CACNA1C: variants seen among roughly 807,000 people sequenced by gnomAD.
CACNA1C encodes calcium voltage-gated channel subunit alpha1 C.
In CACNA1C, 30 loss-of-function variants were observed where a neutral mutation model predicts 229.0. The ratio of observed to expected loss-of-function variants is 0.13; its 90% confidence interval spans 0.10 to 0.18. CACNA1C has a LOEUF of 0.18. Among genes scored for constraint, CACNA1C ranks in the 10% least tolerant of loss-of-function variants. The pLI, the probability that CACNA1C is intolerant of heterozygous loss-of-function variation, is 1.00. For missense variants in CACNA1C, 1,658 were observed against 2,845.0 expected (o/e 0.58, Z 9.49); for synonymous variants, 1,114 against 1,132.5 (o/e 0.98, Z 0.33).
intron 5 of CACNA1C, among the ~76,000 whole-genome samples, chr12:2,470,980 T>C (rs191946172): frequency 1.2e-3 from 181 of 152,240 alleles, no homozygotes; most frequent in South Asian, 0.011. Flanking sequence ...TATAGGCATG[T>C]GCCACCACGC....
rs1393468972 is a variant in CACNA1C, at chr12:2,300,451, T to C, written c.478-148525T>C. On this transcript the variant is annotated intron_variant, in intron 3 of 46. Coordinates refer to ENST00000399655, the MANE Select transcript of CACNA1C (RefSeq NM_000719.7). ...GCCTGGGCAACATGGTGAAATCCTG[T>C]CTCTACTAAAAATAAAAAAAAAAAA... 2.6e-5 allele frequency among the ~76,000 whole-genome samples: 4 copies of C among 151,806 alleles called. No homozygotes were observed. In the East Asian group the frequency reaches 7.8e-4, roughly 29 times the overall value.
At chr12:2,052,153 C>T (rs1037931939), upstream of CACNA1C, among the ~76,000 whole-genome samples, 1 of 152,084 alleles carries the variant, frequency 6.6e-6, no homozygotes, top group Admixed American at 6.5e-5. Flanking sequence ...AGATTCCTGC[C>T]GGAGTTGCAG....
chr12:2,609,396 CG>C (rs2076657457), intron 27 of CACNA1C, among the ~76,000 whole-genome samples: 1 of 151,412 alleles, frequency 6.6e-6, no homozygotes, highest in South Asian at 2.1e-4. Flanking sequence ...AGGAGCGCAG[CG>C]TGGTGTGCTC....
At chr12:2,573,475 C>G (rs565254146) in intron 13 of CACNA1C, among the ~76,000 whole-genome samples, 2 of 152,358 alleles carry the variant, frequency 1.3e-5, no homozygotes, top group South Asian at 4.1e-4. Context: ...TCCTACACAT[C>G]TGTGTATGTT....
chr12:2,500,452 A>G (rs560839780), intron 7 of CACNA1C, among the ~76,000 whole-genome samples: 10 of 152,228 alleles, frequency 6.6e-5, no homozygotes, highest in African/African-American at 1.9e-4. Context: ...ATGTTCACAA[A>G]ATTTAAGGGG....
rs1601523537 is a variant in CACNA1C at position 2,595,395 on chromosome 12, T to G, written c.2664-479T>G. 6.6e-6 allele frequency among the ~76,000 whole-genome samples: 1 copy of G among 152,252 alleles called. No individual in the cohort carries two copies. The highest frequency in any genetic ancestry group is 1.5e-5 in the Non-Finnish European group (1 of 68,038). ...CTGAGTGCCTAGAAGCTCAGTTGGG[T>G]AATTGTGCTGGGGCATGGAAGTGAA... On this transcript the variant is annotated intron_variant, in intron 19 of 46. Transcript: ENST00000399655. This position sits in a 1 kb window ranked among gnomAD's most constrained non-coding sequence, Gnocchi z 4.1.
At chr12:2,068,693 T>C (rs2060233257) in intron 1 of CACNA1C, among the ~76,000 whole-genome samples, 1 of 152,220 alleles carries the variant, frequency 6.6e-6, no homozygotes, top group Non-Finnish European at 1.5e-5. Flanking sequence ...AAACAGTGTG[T>C]TATGACGGCC....
chr12:2,076,985 C>T (rs1174706609), intron 1 of CACNA1C, among the ~76,000 whole-genome samples: 6 of 152,226 alleles, frequency 3.9e-5, no homozygotes, highest in African/African-American at 1.4e-4. Context: ...CTGGAGCGGA[C>T]GCCATGCTGG....
chr12:2,093,808 T>A (rs1270509936), intron 1 of CACNA1C, among the ~76,000 whole-genome samples: 1 of 152,220 alleles, frequency 6.6e-6, no homozygotes, highest in Non-Finnish European at 1.5e-5. Flanking sequence ...AAACCGCCCC[T>A]CTTTCATGAC....
chr12:2,506,478 G>C (rs1222309611), intron 8 of CACNA1C, among the ~76,000 whole-genome samples: 2 of 152,210 alleles, frequency 1.3e-5, no homozygotes, highest in Non-Finnish European at 2.9e-5. Flanking sequence ...ATAGGTGGCT[G>C]TGATGATAGA....
intron 1 of CACNA1C, among the ~76,000 whole-genome samples, chr12:2,031,412 A>AT: frequency 6.6e-6 from 1 of 152,192 alleles, no homozygotes; most frequent in East Asian, 1.9e-4. Flanking sequence ...AGCACGGTGA[A>AT]TGGGGGGCTG....
At chr12:2,258,423 G>GATT (rs1566726914) in intron 3 of CACNA1C, among the ~76,000 whole-genome samples, 28 of 149,614 alleles carry the variant, frequency 1.9e-4, no homozygotes, top group African/African-American at 6.9e-4. Flanking sequence ...TTTTCCTCAA[G>GATT]TTTTTTTTTT....
chr12:2,355,367 C>T (rs866198111), intron 3 of CACNA1C, among the ~76,000 whole-genome samples: 5 of 151,070 alleles, frequency 3.3e-5, no homozygotes, highest in Non-Finnish European at 2.9e-5. Context: ...TCCCACCCCC[C>T]CACATTTCCT....
At chr12:2,625,293 C>T (rs1331316147) in intron 29 of CACNA1C, among the ~76,000 whole-genome samples, 2 of 152,194 alleles carry the variant, frequency 1.3e-5, no homozygotes, top group Admixed American at 6.5e-5. Context: ...GAAAATTATT[C>T]ACACGGTGTA....
intron 3 of CACNA1C, among the ~76,000 whole-genome samples, chr12:2,160,633 C>A (rs1016110439): frequency 6.6e-6 from 1 of 152,206 alleles, no homozygotes; most frequent in African/African-American, 2.4e-5. Flanking sequence ...CAACCTGGAG[C>A]TCCCACATGC....
At chr12:2,536,482 C>T (rs558539196) in intron 9 of CACNA1C, among the ~76,000 whole-genome samples, 35 of 152,196 alleles carry the variant, frequency 2.3e-4, no homozygotes, top group African/African-American at 7.7e-4. Context: ...TCTGCCTCTG[C>T]GACTCTGGAC....
chr12:2,484,543 G>A (rs578187227), intron 5 of CACNA1C, among the ~76,000 whole-genome samples: 1 of 152,278 alleles, frequency 6.6e-6, no homozygotes, highest in South Asian at 2.1e-4. Flanking sequence ...CTGTGGCCTG[G>A]AGGGGAGCCT....
At chr12:2,271,233 G>A (rs572971122) in intron 3 of CACNA1C, among the ~76,000 whole-genome samples, 3 of 152,278 alleles carry the variant, frequency 2.0e-5, no homozygotes, top group East Asian at 3.9e-4. Flanking sequence ...GTTGTTCTTC[G>A]ACTCCTGTGT....
At chr12:2,342,004 G>A (rs937690619) in intron 3 of CACNA1C, among the ~76,000 whole-genome samples, 5 of 152,124 alleles carry the variant, frequency 3.3e-5, no homozygotes, top group African/African-American at 9.7e-5. Context: ...CCAACCTCAC[G>A]GGTTAAAATC....
Sources: allele counts gnomAD v4.1 joint callset (sites outside exome capture counted in the v4.1 genomes callset), GRCh38; gene constraint gnomAD v4.1.1; non-coding constraint Gnocchi (gnomAD v3.1); transcripts MANE v1.5; gene names NCBI Gene and HGNC (gene_info 2026-07-23, HGNC 2026-07-21).